The following AKTIP variants were observed in gnomAD, a reference collection of about 807,000 sequenced individuals.
AKTIP encodes the protein AKT interacting protein.
In AKTIP, 16 loss-of-function variants were observed where a neutral mutation model predicts 39.1. The observed-to-expected ratio is 0.41, with a 90% CI of 0.28 to 0.62. The LOEUF is 0.62. Ranked by LOEUF, AKTIP falls within the 20% of genes least tolerant of loss-of-function variation. The pLI is 0.32. For missense variants in AKTIP, 262 were observed against 356.6 expected, an observed-to-expected ratio of 0.73 and a Z score of 2.14; for synonymous variants, 93 against 124.3, an observed-to-expected ratio of 0.75 and a Z score of 1.67.
intron 3 of AKTIP, among the ~76,000 whole-genome samples, chr16:53,496,016 C>T (rs1053384401): frequency 1.3e-5 from 2 of 152,238 alleles, no homozygotes; most frequent in East Asian, 3.9e-4. Flanking sequence ...AAACAAGAAA[C>T]GATAAGTGTA....
At position 53,495,127 on chromosome 16, in the gene AKTIP, G is replaced by A. The variant is rs543791283; in HGVS notation, c.360C>T (p.Gly120=). The change falls in exon 5 of 10, where the codon GGC becomes GGT. Residue 120 remains glycine (G), a synonymous_variant. Transcript: ENST00000394657. ...IFIRHGLYQD[G]VFKFTVYIPD... Reference sequence around the variant, plus strand: ...GGATGTAAACTGTAAACTTAAATACGCCATCTTGGTAAAGTCCATGCCGTA... The same window carrying A: ...GGATGTAAACTGTAAACTTAAATACACCATCTTGGTAAAGTCCATGCCGTA... 34 of 1,614,054 alleles carry A rather than the reference G, an allele frequency of 2.1e-5. No individual in the cohort carries two copies. Among genetic ancestry groups the A allele is most frequent in the Admixed American group, 5.0e-5 (3 of 60,008 alleles).
At position 53,498,384 on chromosome 16, in the gene AKTIP, G is replaced by C. The variant is rs1203961530; in HGVS notation, c.248+7C>G. 6.2e-7 allele frequency: 1 copy of C among 1,613,316 alleles called. No homozygotes were observed. Among genetic ancestry groups the C allele is most frequent in the African/African-American group, 1.3e-5 (1 of 74,898 alleles). On this transcript the variant is annotated splice_region_variant and intron_variant, in intron 3 of 9. Transcript: ENST00000394657. ...TAATTTAACCAAATAGTTTGTTAAG[G>C]ACTTACAATTCTGCAAGAAGAGAGT...
At position 53,495,295 on chromosome 16, in the gene AKTIP, C is replaced by T. The variant is rs777982018; in HGVS notation, c.280G>A (p.Val94Ile). The change falls in exon 4 of 10, where the codon GTC (valine) becomes ATC (isoleucine). Residue 94 changes from valine to isoleucine, a missense_variant. By Grantham distance (29) the Val-to-Ile change is conservative. This residue lies in a region of AKTIP where 88 missense variants were observed against 132.1 expected (regional missense o/e 0.67). Coordinates refer to ENST00000394657, the MANE Select transcript of AKTIP (RefSeq NM_022476.4). Reference sequence around the variant, plus strand: ...GAGCGATAAGATGGCTGCACATAGACGCCTGGTAGCTTCTGCTTCACAACC... The same window carrying T: ...GAGCGATAAGATGGCTGCACATAGATGCCTGGTAGCTTCTGCTTCACAACC... ...TLVVKQKLPG[V>I]YVQPSYRSAL... is the part of the protein sequence containing the mutation. The T allele has an allele frequency of 9.3e-6, 15 of 1,614,074 alleles. No homozygotes were observed. The highest frequency in any genetic ancestry group is 5.0e-5 in the Admixed American group (3 of 60,006).
Position 53,492,153 on chromosome 16 carries a change from C to CTTAT in AKTIP, c.*258_*259insATAA, listed in dbSNP as rs958874235. The CTTAT allele has an allele frequency of 1.5e-5, 6 of 396,298 alleles. No individual in the cohort carries two copies. In the Admixed American group the frequency reaches 2.0e-4, roughly 13 times the overall value. The allele number at this position is 396,298 out of a possible 1,614,324, so 24.5% of individuals were successfully genotyped here. A position where few individuals can be genotyped will look rare whatever the true frequency, so the allele number is the denominator to read the frequency against. On this transcript the variant is annotated 3_prime_UTR_variant, in exon 10 of 10. Coordinates refer to ENST00000394657, the MANE Select transcript of AKTIP (RefSeq NM_022476.4). ...CTTTAGCATTATATTCAGAAAAATACTTACTTAAGCCTCAAGGTCCCCAAT... is the reference window on the plus strand; with the variant it reads ...CTTTAGCATTATATTCAGAAAAATACTTATTTACTTAAGCCTCAAGGTCCCCAAT...
rs754362209 is a variant in AKTIP at position 53,500,173 on chromosome 16, C to A, written c.42+45G>T. The A allele has an allele frequency of 3.4e-6, 5 of 1,474,618 alleles. No individual in the cohort carries two copies. In the South Asian group the frequency reaches 5.8e-5, roughly 17 times the overall value. 91.3% of individuals were successfully genotyped at this position (1,474,618 alleles called of 1,614,324 possible). Reference sequence around the variant, plus strand: ...TTCATTCTGACCCTATTTTCAGACACAGAAGCAAATGGGTTTTCTTACTGA... The same window carrying A: ...TTCATTCTGACCCTATTTTCAGACAAAGAAGCAAATGGGTTTTCTTACTGA... On this transcript the variant is annotated intron_variant, in intron 2 of 9. Coordinates refer to ENST00000394657, the MANE Select transcript of AKTIP (RefSeq NM_022476.4).
rs899978156 is a variant in AKTIP, at chr16:53,494,869, A to T, written c.414+204T>A. 6.8e-6 allele frequency: 5 copies of T among 731,784 alleles called. No individual in the cohort carries two copies. In the African/African-American group the frequency reaches 8.7e-5, roughly 13 times the overall value. The allele number at this position is 731,784 out of a possible 1,614,324, so 45.3% of individuals were successfully genotyped here. On this transcript the variant is annotated intron_variant, in intron 5 of 9. Coordinates refer to ENST00000394657, the MANE Select transcript of AKTIP (RefSeq NM_022476.4). ...GAGTGCTGCAGGATGGCAGGCAGCCAGCCTCCCTTGCAGACCCTGAGCAGA... is the reference window on the plus strand; with the variant it reads ...GAGTGCTGCAGGATGGCAGGCAGCCTGCCTCCCTTGCAGACCCTGAGCAGA...
Position 53,494,162 on chromosome 16 carries a change from T to G in AKTIP, c.686A>C (p.Lys229Thr), listed in dbSNP as rs769769588. 6.2e-7 allele frequency: 1 copy of G among 1,614,140 alleles called. No individual in the cohort carries two copies. The highest frequency in any genetic ancestry group is 8.5e-7 in the Non-Finnish European group (1 of 1,179,984). ...VCTARLFDQP[K>T]IEDPYAISFS... ...CCTAATTGCATAGGGGTCTTCTATT[T>G]TAGGTTGGTCAAACAAACGAGCAGT... Residue 229 changes from lysine (K) to threonine (T), a missense_variant, in exon 8 of 10, where the codon AAA (lysine) becomes ACA (threonine). Physicochemically the swap from Lys to Thr is moderately conservative, Grantham distance 78. Coordinates refer to ENST00000394657, the MANE Select transcript of AKTIP (RefSeq NM_022476.4).
chr16:53,492,712 T>C lies in AKTIP; in HGVS notation c.752A>G (p.Glu251Gly). Reference protein sequence around the residue: ...WNPSVHDEAREKMLTQKKPEE... With the variant: ...WNPSVHDEARGKMLTQKKPEE... ...ACTTACTTTCTGAGTCAGCATCTTTTCTCTGGCTTCATCATGTACAGAAGG... is the reference window on the plus strand; with the variant it reads ...ACTTACTTTCTGAGTCAGCATCTTTCCTCTGGCTTCATCATGTACAGAAGG... Residue 251 changes from glutamate (E) to glycine (G), a missense_variant, in exon 9 of 10, where the codon GAA becomes GGA. Coordinates refer to ENST00000394657, the MANE Select transcript of AKTIP (RefSeq NM_022476.4). The C allele has an allele frequency of 6.2e-7, 1 of 1,614,140 alleles. No individual in the cohort carries two copies. Among genetic ancestry groups the C allele is most frequent in the Non-Finnish European group, 8.5e-7 (1 of 1,180,002 alleles).
chr16:53,500,476 C>A (rs1962103969), intron 1 of AKTIP, 147 bp from the exon 2 acceptor site: 1 of 408,922 alleles, frequency 2.4e-6, no homozygotes, highest in Non-Finnish European at 4.3e-6. Flanking sequence ...CTCCTGGGTT[C>A]AAGCGATTCT....
At position 53,494,563 on chromosome 16, in the gene AKTIP, G is replaced by C; in HGVS notation, c.457C>G (p.Pro153Ala). 6.2e-7 allele frequency: 1 copy of C among 1,614,158 alleles called. No individual in the cohort carries two copies. The highest frequency in any genetic ancestry group is 8.5e-7 in the Non-Finnish European group (1 of 1,180,022). Residue 153 changes from proline to alanine, a missense_variant, in exon 6 of 10, where the codon CCC becomes GCC. Transcript: ENST00000394657. ...DIPVFHPLVDPTSGELDVKRA... is the reference protein window; with the variant it reads ...DIPVFHPLVDATSGELDVKRA... The stretch of plus-strand genomic sequence containing the variant: ...TTCACATCCAGCTCACCTGAGGTGG[G>C]ATCAACTAGCGGGTGAAAGACAGGA...
intron 2 of AKTIP, among the ~76,000 whole-genome samples, chr16:53,499,449 G>GTTTTTTTTTTTT (rs56138099): frequency 1.5e-5 from 2 of 130,706 alleles, no homozygotes. Flanking sequence ...TGAGATTATA[G>GTTTTTTTTTTTT]TTTTTTTTTT....
At position 53,492,781 on chromosome 16, in the gene AKTIP, C is replaced by G. The variant is rs745674643; in HGVS notation, c.711-28G>C. 41 of 1,601,792 alleles carry G rather than the reference C, an allele frequency of 2.6e-5. 1 individual carries two copies. In the South Asian group the frequency reaches 4.0e-4, roughly 16 times the overall value. ...TAAGGAAGAGAAAAGTATTTAAAAA[C>G]TATTTGTTGGCTCACTAAATTTCTA... On this transcript the variant is annotated intron_variant, in intron 8 of 9. Transcript: ENST00000394657.
At chr16:53,499,862 A>G (rs1962065774) in intron 2 of AKTIP, among the ~76,000 whole-genome samples, 1 of 152,182 alleles carries the variant, frequency 6.6e-6, no homozygotes, top group Non-Finnish European at 1.5e-5. Context: ...AGTGCCCCTC[A>G]AGTCTGATTT....
rs749674014 is a variant in AKTIP, at chr16:53,494,631, T to C, written c.415-26A>G. On this transcript the variant is annotated intron_variant, in intron 5 of 9. Coordinates refer to ENST00000394657, the MANE Select transcript of AKTIP (RefSeq NM_022476.4). ...CTGTATTTAAATAAAGAGAGACATG[T>C]CCTTTAATGGAAGCAGTGGCGCTTA... 2.8e-5 allele frequency: 45 copies of C among 1,605,616 alleles called. 4 individuals carry two copies. In the South Asian group the frequency reaches 5.0e-4, roughly 18 times the overall value.
At chr16:53,499,707 G>A (rs141581748) in intron 2 of AKTIP, among the ~76,000 whole-genome samples, 1 of 151,918 alleles carries the variant, frequency 6.6e-6, no homozygotes, top group African/African-American at 2.4e-5. Flanking sequence ...TGATCTGCCC[G>A]CCTCGGCCTC....
At chr16:53,501,343 T>A (rs1224484969) in intron 1 of AKTIP, 10 of 152,184 alleles carry the variant, frequency 6.6e-5, no homozygotes, top group Admixed American at 5.9e-4. Flanking sequence ...GAGAGACATT[T>A]CACAAGTACA....
intron 3 of AKTIP, among the ~76,000 whole-genome samples, chr16:53,495,930 T>A (rs1302824407): frequency 6.6e-6 from 1 of 152,218 alleles, no homozygotes; most frequent in African/African-American, 2.4e-5. Flanking sequence ...TCACACGCCC[T>A]GCTCTCAAAT....
chr16:53,501,485 T>C (rs1962165995), intron 1 of AKTIP: 1 of 152,206 alleles, frequency 6.6e-6, no homozygotes, highest in Admixed American at 6.5e-5. Flanking sequence ...GAACAGCAAC[T>C]TCCCTGCCCT....
chr16:53,502,612 G>C (rs1220820095), intron 1 of AKTIP: 1 of 152,220 alleles, frequency 6.6e-6, no homozygotes, highest in Non-Finnish European at 1.5e-5. Flanking sequence ...GGCTCGCTGG[G>C]GACAGCCGGG....
Sources: gnomAD v4.1 joint callset for allele counts (sites outside exome capture counted in the v4.1 genomes callset) on GRCh38, gnomAD v4.1.1 for gene constraint, gnomAD v4.1.1 regional missense constraint, MANE v1.5 for transcripts, NCBI Gene and HGNC (gene_info 2026-07-23, HGNC 2026-07-21) for gene names.